Variants in CDK13 observed in about 807,000 individuals in gnomAD.
CDK13 encodes cyclin-dependent kinase 13.
A neutral mutation model predicts 137.6 loss-of-function variants in CDK13; 40 were observed. The ratio of observed to expected loss-of-function variants is 0.29; its 90% CI spans 0.23 to 0.38. The LOEUF (loss-of-function observed/expected upper bound fraction) is 0.38, where lower values mean the gene tolerates loss of function less well. CDK13 is among the 10% of genes least tolerant of loss of function. The probability of loss-of-function intolerance (pLI) is 1.00; values close to 1 mark genes in which losing one functional copy is unlikely to be tolerated. For missense variants in CDK13, 1,704 were observed against 1,951.8 expected (o/e 0.87, Z 2.39); for synonymous variants, 869 against 760.1 (o/e 1.14, Z -2.36).
chr7:40,025,932 A>C (rs1222138992), intron 5 of CDK13, among the ~76,000 whole-genome samples: 1 of 152,106 alleles, frequency 6.6e-6, no homozygotes, highest in Non-Finnish European at 1.5e-5. Flanking sequence ...TTTGTTGCCA[A>C]AGTAAGCCAA....
At chr7:40,025,470 C>G (rs1785224414) in intron 5 of CDK13, among the ~76,000 whole-genome samples, 1 of 152,092 alleles carries the variant, frequency 6.6e-6, no homozygotes, top group Admixed American at 6.5e-5. Context: ...TTTTGATCCA[C>G]TTTCACCATT....
intron 1 of CDK13, among the ~76,000 whole-genome samples, chr7:39,966,980 G>A (rs1783886371): frequency 6.6e-6 from 1 of 152,078 alleles, no homozygotes; most frequent in South Asian, 2.1e-4. Context: ...TAAGTTTTGT[G>A]TCAGAGGAGT....
Position 40,011,922 on chromosome 7 carries a change from T to C in CDK13, c.2353+9891T>C, listed in dbSNP as rs1035006633. On this transcript the variant is annotated intron_variant, in intron 5 of 13. Coordinates refer to ENST00000181839, the MANE Select transcript of CDK13 (RefSeq NM_003718.5). ...TGTATCTTAAATGTATAAATAACTC[T>C]TAGAACTAAATAATGAAAAAAGACA... Among the ~76,000 whole-genome samples the C allele has an allele frequency of 2.0e-5, 3 of 152,156 alleles. No homozygotes were observed. In the East Asian group the frequency reaches 5.8e-4, roughly 29 times the overall value.
intron 5 of CDK13, among the ~76,000 whole-genome samples, chr7:40,030,478 G>A (rs1021969763): frequency 2.9e-5 from 4 of 138,464 alleles, no homozygotes; most frequent in African/African-American, 5.3e-5. Context: ...TGACACCCAG[G>A]CTGGAGTGCA....
rs180942591 is a variant in CDK13, at chr7:40,024,970, C to G, written c.2354-20866C>G. On this transcript the variant is annotated intron_variant, in intron 5 of 13. Transcript: ENST00000181839. ...TGAGCCACCGCACCCAGCTGTAGCT[C>G]TGTGGTTTTTTAATCATCATATCTC... 4.6e-5 allele frequency among the ~76,000 whole-genome samples: 7 copies of G among 152,128 alleles called. No homozygotes were observed. In the East Asian group the frequency reaches 1.2e-3, roughly 25 times the overall value.
chr7:40,050,150 T>C (rs1404689216), intron 7 of CDK13, among the ~76,000 whole-genome samples: 1 of 152,088 alleles, frequency 6.6e-6, no homozygotes, highest in Non-Finnish European at 1.5e-5. Context: ...GTCCATCTCT[T>C]AGTGGACGCT....
At chr7:39,961,492 C>T (rs1466771598) in intron 1 of CDK13, among the ~76,000 whole-genome samples, 2 of 152,168 alleles carry the variant, frequency 1.3e-5, no homozygotes, top group African/African-American at 2.4e-5. Context: ...CAACATCTCC[C>T]TTTCCCTATA....
chr7:40,055,386 G>A (rs772931618), intron 7 of CDK13, among the ~76,000 whole-genome samples: 2 of 151,886 alleles, frequency 1.3e-5, no homozygotes, highest in African/African-American at 2.4e-5. Context: ...TGCAAATACT[G>A]GGTATAGACA....
chr7:39,999,376 C>T lies in CDK13; in HGVS notation c.2058C>T (p.Arg686=), dbSNP rs781345263. 9.3e-6 allele frequency: 15 copies of T among 1,610,706 alleles called. No individual in the cohort carries two copies. Among genetic ancestry groups the T allele is most frequent in the Non-Finnish European group, 1.3e-5 (15 of 1,178,564 alleles). ...TATTTGATAGAATATGTGGGCCTCG[C>T]TATGGTGAAACCAAAGAAAAAGATA... ...SKRRPKICGP[R]YGETKEKDID... The change falls in exon 4 of 14, where the codon CGC becomes CGT. Residue 686 remains arginine, a synonymous_variant. Coordinates refer to ENST00000181839, the MANE Select transcript of CDK13 (RefSeq NM_003718.5).
chr7:39,961,629 T>C (rs1172240588), intron 1 of CDK13, among the ~76,000 whole-genome samples: 1 of 122,546 alleles, frequency 8.2e-6, no homozygotes, highest in Non-Finnish European at 1.6e-5. Flanking sequence ...TGACATAATT[T>C]ACTTCTTTTT....
chr7:39,951,395 A>G lies in CDK13; in HGVS notation c.754A>G (p.Ser252Gly), dbSNP rs890033829. Residue 252 changes from serine to glycine, a missense_variant, in exon 1 of 14, where the codon AGC becomes GGC. Around this residue, in one of 5 missense-constraint regions of CDK13, gnomAD observed 1,051 missense variants for 931.0 expected, o/e 1.13. Transcript: ENST00000181839. ...RAEVAKSGSS[S>G]SSGGRRKSAS... is the part of the protein sequence containing the mutation. ...CGAGGTCGCCAAGAGCGGCAGCAGCAGCAGCAGCGGCGGCCGCCGGAAAAG... is the reference window on the plus strand; with the variant it reads ...CGAGGTCGCCAAGAGCGGCAGCAGCGGCAGCAGCGGCGGCCGCCGGAAAAG... 2.6e-6 allele frequency: 4 copies of G among 1,525,966 alleles called. No individual in the cohort carries two copies. The highest frequency in any genetic ancestry group is 5.2e-5 in the East Asian group (2 of 38,160). 94.5% of individuals were successfully genotyped at this position (1,525,966 alleles called of 1,614,324 possible). A position where few individuals can be genotyped will look rare whatever the true frequency, so the allele number is the denominator to read the frequency against.
rs993409629 is a variant in CDK13 at position 40,094,039 on chromosome 7, C to T, written c.3689-91C>T. The T allele has an allele frequency of 1.3e-5, 19 of 1,421,490 alleles. No homozygotes were observed. The African/African-American group carries it at 2.7e-4, about 20-fold the overall frequency. 88.1% of individuals were successfully genotyped at this position (1,421,490 alleles called of 1,614,324 possible). ...TGCCAGAGATGGAACTTCTAATCATCTTTAGAACTACCTACAGGAAACACT... is the reference window on the plus strand; with the variant it reads ...TGCCAGAGATGGAACTTCTAATCATTTTTAGAACTACCTACAGGAAACACT... On this transcript the variant is annotated intron_variant, in intron 13 of 13. Transcript: ENST00000181839.
At chr7:39,994,404 C>T (rs1452028368) in intron 2 of CDK13, among the ~76,000 whole-genome samples, 1 of 152,078 alleles carries the variant, frequency 6.6e-6, no homozygotes, top group African/African-American at 2.4e-5. Flanking sequence ...AAAATTCTTA[C>T]ATATATCTGT....
At chr7:40,006,656 C>A (rs1246569108) in intron 5 of CDK13, among the ~76,000 whole-genome samples, 1 of 152,020 alleles carries the variant, frequency 6.6e-6, no homozygotes, top group Non-Finnish European at 1.5e-5. Flanking sequence ...GGGACACACG[C>A]CTGTAATCCC....
intron 2 of CDK13, among the ~76,000 whole-genome samples, chr7:39,997,200 A>G (rs1784582695): frequency 6.6e-6 from 1 of 152,150 alleles, no homozygotes; most frequent in South Asian, 2.1e-4. Flanking sequence ...TTACATCAGT[A>G]TGGTACATTC....
In CDK13 at chr7:39,999,391, A is replaced by G. The variant is rs1442269182; in HGVS notation, c.2073A>G (p.Lys691=). The G allele has an allele frequency of 1.9e-6, 3 of 1,612,546 alleles. No homozygotes were observed. In the African/African-American group the frequency reaches 4.0e-5, roughly 22 times the overall value. ...GTGGGCCTCGCTATGGTGAAACCAA[A>G]GAAAAAGATATTGACTGGGGAAAAC... ...KICGPRYGET[K]EKDIDWGKRC... Residue 691 remains lysine (K), a synonymous_variant, in exon 4 of 14, where the codon AAA becomes AAG. Coordinates refer to ENST00000181839, the MANE Select transcript of CDK13 (RefSeq NM_003718.5).
chr7:39,991,646 A>G (rs1784457576), intron 2 of CDK13, among the ~76,000 whole-genome samples: 1 of 152,168 alleles, frequency 6.6e-6, no homozygotes, highest in African/African-American at 2.4e-5. Context: ...TCAAGCACTT[A>G]GAAAAATTGA....
intron 1 of CDK13, among the ~76,000 whole-genome samples, chr7:39,982,733 T>C (rs1367966566): frequency 1.3e-5 from 2 of 152,244 alleles, no homozygotes; most frequent in East Asian, 1.9e-4. Context: ...TGGTATCTCA[T>C]TGTGGTTTTG....
At chr7:39,961,187 C>T (rs1434709753) in intron 1 of CDK13, among the ~76,000 whole-genome samples, 2 of 151,956 alleles carry the variant, frequency 1.3e-5, no homozygotes, top group African/African-American at 2.4e-5. Context: ...GGCGAAACCC[C>T]GTCTCTACTA....
Sources: allele counts gnomAD v4.1 joint callset (sites outside exome capture counted in the v4.1 genomes callset), GRCh38; gene constraint gnomAD v4.1.1; regional missense constraint gnomAD v4.1.1; transcripts MANE v1.5; gene names NCBI Gene and HGNC (gene_info 2026-07-23, HGNC 2026-07-21).